The following SCAP variants were observed in gnomAD, a reference collection of about 807,000 sequenced individuals.
SCAP encodes the protein sterol regulatory element-binding protein cleavage-activating protein.
A neutral mutation model predicts 123.6 loss-of-function variants in SCAP; 65 were observed. The ratio of observed to expected loss-of-function variants is 0.53; its 90% CI spans 0.43 to 0.65. The LOEUF is 0.65. SCAP is among the 30% of genes least tolerant of loss of function. SCAP has a pLI of 0.00. For synonymous variants in SCAP, 740 were observed against 726.3 expected (o/e 1.02, Z -0.30); for missense variants, 1,398 against 1,712.5 (o/e 0.82, Z 3.24).
At chr3:47,466,141 A>C (rs916849408) in intron 1 of SCAP, among the ~76,000 whole-genome samples, 4 of 151,310 alleles carry the variant, frequency 2.6e-5, no homozygotes, top group African/African-American at 7.3e-5. Context: ...AAAACCAAAA[A>C]AAAAAAAAAA....
Position 47,435,469 on chromosome 3 carries a change from TACACACACAC to T in SCAP, c.123-342_123-333del, listed in dbSNP as rs57702290. On this transcript the variant is annotated intron_variant, in intron 2 of 22. Coordinates refer to ENST00000265565, the MANE Select transcript of SCAP (RefSeq NM_012235.4). Reference sequence around the variant, plus strand: ...AACATTAACATATATAATATAAACATACACACACACACACACACACACACACACACACACA... The same window carrying T: ...AACATTAACATATATAATATAAACATACACACACACACACACACACACACA... 1.6e-3 allele frequency among the ~76,000 whole-genome samples: 150 copies of T among 91,964 alleles called. 3 individuals are homozygous for T. The highest frequency in any genetic ancestry group is 0.014 in the East Asian group (48 of 3,480). The allele number at this position is 91,964 out of a possible 152,430, so 60.3% of individuals were successfully genotyped here.
chr3:47,438,992 T>C (rs1440942592), intron 2 of SCAP, among the ~76,000 whole-genome samples: 1 of 152,128 alleles, frequency 6.6e-6, no homozygotes, highest in Non-Finnish European at 1.5e-5. Flanking sequence ...GAAAAACTCA[T>C]ACATGATATT....
At chr3:47,440,120 T>A (rs532898589) in intron 2 of SCAP, among the ~76,000 whole-genome samples, 1 of 152,316 alleles carries the variant, frequency 6.6e-6, no homozygotes, top group South Asian at 2.1e-4. Flanking sequence ...TAGATCTGAA[T>A]AGGGAAATTA....
At position 47,435,470 on chromosome 3, in the gene SCAP, ACAC is replaced by A. The variant is rs1228984055; in HGVS notation, c.123-336_123-334del. On this transcript the variant is annotated intron_variant, in intron 2 of 22. Coordinates refer to ENST00000265565, the MANE Select transcript of SCAP (RefSeq NM_012235.4). ...ACATTAACATATATAATATAAACAT[ACAC>A]ACACACACACACACACACACACACA... 3.0e-3 allele frequency among the ~76,000 whole-genome samples: 10 copies of A among 3,330 alleles called. 1 individual carries two copies. The East Asian group carries it at 0.19, about 62-fold the overall frequency. The allele number at this position is 3,330 out of a possible 152,430, so 2.2% of individuals were successfully genotyped here.
At chr3:47,424,669 T>C (rs774947103) in intron 8 of SCAP, among the ~76,000 whole-genome samples, 1 of 152,142 alleles carries the variant, frequency 6.6e-6, no homozygotes, top group Non-Finnish European at 1.5e-5. Flanking sequence ...GAGGGCCCTG[T>C]GAAGGGTATG....
Position 47,426,184 on chromosome 3 carries a change from G to C in SCAP, c.738-15C>G, listed in dbSNP as rs1432094245. 1 of 1,609,554 alleles carries C rather than the reference G, an allele frequency of 6.2e-7. No homozygotes were observed. The highest frequency in any genetic ancestry group is 8.5e-7 in the Non-Finnish European group (1 of 1,178,802). ...TGCCCAGGAACCTGGTCAAGGAGCA[G>C]GGTGGGGGTAAATGGAAGTGTTGCT... On this transcript the variant is annotated splice_polypyrimidine_tract_variant and intron_variant, in intron 6 of 22. Transcript: ENST00000265565.
At position 47,417,565 on chromosome 3, in the gene SCAP, G is replaced by A. The variant is rs779591203; in HGVS notation, c.2709C>T (p.Arg903=). 8.2e-6 allele frequency: 13 copies of A among 1,586,108 alleles called. No homozygotes were observed. The East Asian group carries it at 1.6e-4, about 19-fold the overall frequency. Residue 903 remains arginine (R), a synonymous_variant, in exon 17 of 23, where the codon CGC becomes CGT. Transcript: ENST00000265565. ...AGTCATAGCCTGGGGAGTCCCGAGA[G>A]CGGCCACAGACCGCCCGGTGCCGGG... ...PEPRHRAVCG[R]SRDSPGYDFS... is the part of the protein sequence containing the mutation.
chr3:47,446,294 C>G (rs1707039351), intron 1 of SCAP, among the ~76,000 whole-genome samples: 2 of 152,032 alleles, frequency 1.3e-5, no homozygotes, highest in African/African-American at 4.8e-5. Flanking sequence ...CTGCCTCAGC[C>G]TACCAAGTAG....
chr3:47,459,408 T>G (rs762496099), intron 1 of SCAP, among the ~76,000 whole-genome samples: 4 of 152,244 alleles, frequency 2.6e-5, no homozygotes, highest in African/African-American at 9.6e-5. Context: ...GTTGCGTTAC[T>G]ACTTCAATAT....
At position 47,414,631 on chromosome 3, in the gene SCAP, A is replaced by G; in HGVS notation, c.3328T>C (p.Cys1110Arg). 1 of 1,613,350 alleles carries G rather than the reference A, an allele frequency of 6.2e-7. No individual in the cohort carries two copies. The highest frequency in any genetic ancestry group is 8.5e-7 in the Non-Finnish European group (1 of 1,180,010). ...TGGCCCTGAAGGGTGAAGAGGCAGC[A>G]CGAGTCCTCCAGACGGAACACCTGG... ...TLRVFRLEDS[C>R]CLFTLQGHSG... is the part of the protein sequence containing the mutation. Residue 1110 changes from cysteine to arginine, a missense_variant, in exon 21 of 23, where the codon TGC becomes CGC. Physicochemically the swap from Cys to Arg is radical, Grantham distance 180. Around this residue, in one of 7 missense-constraint regions of SCAP, gnomAD observed 44 missense variants for 64.4 expected, o/e 0.68. Transcript: ENST00000265565.
At chr3:47,458,145 G>C (rs918684161) in intron 1 of SCAP, among the ~76,000 whole-genome samples, 6 of 151,766 alleles carry the variant, frequency 4.0e-5, no homozygotes, top group Non-Finnish European at 7.4e-5. Flanking sequence ...AAAATTAGCA[G>C]GGCGTGGCCA....
chr3:47,475,593 G>C (rs1418102083), intron 1 of SCAP: 1 of 152,262 alleles, frequency 6.6e-6, no homozygotes, highest in Non-Finnish European at 1.5e-5. Flanking sequence ...CCGGTGCAGG[G>C]ACACGGCCGG....
chr3:47,424,269 GC>G (rs1303711141), intron 8 of SCAP, among the ~76,000 whole-genome samples: 11 of 152,230 alleles, frequency 7.2e-5, no homozygotes, highest in Non-Finnish European at 1.2e-4. Context: ...GGGGCCAGCA[GC>G]CATCCTGTCT....
At chr3:47,464,782 A>ATTTACCCTG (rs1426777778) in intron 1 of SCAP, among the ~76,000 whole-genome samples, 1 of 152,136 alleles carries the variant, frequency 6.6e-6, no homozygotes, top group African/African-American at 2.4e-5. Flanking sequence ...TCACTGCCTC[A>ATTTACCCTG]TTTACCCTTT....
At chr3:47,432,741 G>C (rs1706417664) in intron 3 of SCAP, among the ~76,000 whole-genome samples, 1 of 152,126 alleles carries the variant, frequency 6.6e-6, no homozygotes, top group South Asian at 2.1e-4. Context: ...GCAATGGTGT[G>C]ATCATGGCTC....
chr3:47,455,096 A>ATAT (rs1707371410), intron 1 of SCAP, among the ~76,000 whole-genome samples: 1 of 141,100 alleles, frequency 7.1e-6, no homozygotes, highest in Non-Finnish European at 1.5e-5. Context: ...TATATATATA[A>ATAT]TCAACTGAAA....
rs1209219659 is a variant in SCAP, at chr3:47,418,237, G to A, written c.2344C>T (p.Leu782=). 8 of 1,566,940 alleles carry A rather than the reference G, an allele frequency of 5.1e-6. No individual in the cohort carries two copies. The African/African-American group carries it at 8.1e-5, about 16-fold the overall frequency. The part of the protein sequence containing the change: ...LRGHLMDIEC[L]ASDGMLLVSC... ...ACCAGCAGCATGCCGTCGCTGGCCA[G>A]GCACTCGATGTCCTGCAGAAGCCCG... The change falls in exon 16 of 23, where the codon CTG becomes TTG. Residue 782 remains leucine, a synonymous_variant. Transcript: ENST00000265565.
intron 1 of SCAP, among the ~76,000 whole-genome samples, chr3:47,459,740 G>T (rs543299514): frequency 1.3e-5 from 2 of 152,170 alleles, no homozygotes; most frequent in Admixed American, 1.3e-4. Flanking sequence ...ACTGATAAGG[G>T]TCTATGTTCA....
Position 47,420,871 on chromosome 3 carries a change from A to T in SCAP, c.1344+60T>A. On this transcript the variant is annotated intron_variant, in intron 11 of 22. Coordinates refer to ENST00000265565, the MANE Select transcript of SCAP (RefSeq NM_012235.4). The surrounding 1 kb of genome is among the most constrained non-coding windows in gnomAD (Gnocchi z 5.0). ...GAGGTCTACACCCTTCTCACCCAGG[A>T]CTCCCTCAGTACAGCCAGGGCTGAG... 1 of 1,585,242 alleles carries T rather than the reference A, an allele frequency of 6.3e-7. No individual in the cohort carries two copies. Among genetic ancestry groups the T allele is most frequent in the South Asian group, 1.1e-5 (1 of 90,522 alleles).
Sources: gnomAD v4.1 joint callset for allele counts (sites outside exome capture counted in the v4.1 genomes callset) on GRCh38, gnomAD v4.1.1 for gene constraint, gnomAD v4.1.1 regional missense constraint, Gnocchi (gnomAD v3.1) non-coding constraint, MANE v1.5 for transcripts, NCBI Gene and HGNC (gene_info 2026-07-23, HGNC 2026-07-21) for gene names.